RAPGEF6: variants seen among roughly 807,000 people sequenced by gnomAD.
The protein encoded by RAPGEF6 is PDZ domain containing guanine nucleotide exchange factor (GEF) 2.
A neutral mutation model predicts 171.4 loss-of-function variants in RAPGEF6; 56 were observed. The ratio of observed to expected loss-of-function variants is 0.33; its 90% confidence interval spans 0.26 to 0.41. The LOEUF is 0.41. Ranked by LOEUF, RAPGEF6 falls within the 10% of genes least tolerant of loss-of-function variation. The pLI is 1.00. For missense variants in RAPGEF6, 1,674 were observed against 1,921.4 expected (o/e 0.87, Z 2.41); for synonymous variants, 692 against 650.1 (o/e 1.06, Z -0.98).
chr5:131,490,314 C>A (rs145239875), intron 14 of RAPGEF6, among the ~76,000 whole-genome samples: 5 of 149,804 alleles, frequency 3.3e-5, no homozygotes, highest in East Asian at 3.9e-4. Context: ...TCTAGGGGAT[C>A]AACATAAAAA....
At chr5:131,431,398 C>T in intron 25 of RAPGEF6, 49 bp from the exon 26 acceptor site, 1 of 1,531,420 alleles carries the variant, frequency 6.5e-7, no homozygotes, top group Non-Finnish European at 8.8e-7. Context: ...GAAAAACTAT[C>T]TTCTCTCTGT....
rs960368567 is a variant in RAPGEF6 at position 131,510,216 on chromosome 5, C to T, written c.805+98G>A. Reference sequence around the variant, plus strand: ...ACTCTAAGATAATGGCTTAACACAACACACATTTATTAAGTTTTAGAATAA... The same window carrying T: ...ACTCTAAGATAATGGCTTAACACAATACACATTTATTAAGTTTTAGAATAA... On this transcript the variant is annotated intron_variant, in intron 8 of 27. Transcript: ENST00000509018. 10 of 1,245,998 alleles carry T rather than the reference C, an allele frequency of 8.0e-6. No individual in the cohort carries two copies. The South Asian group carries it at 1.4e-4, about 17-fold the overall frequency. The allele number at this position is 1,245,998 out of a possible 1,614,324, so 77.2% of individuals were successfully genotyped here. A position where few individuals can be genotyped will look rare whatever the true frequency, so the allele number is the denominator to read the frequency against.
At position 131,465,462 on chromosome 5, in the gene RAPGEF6, A is replaced by G. The variant is rs192813241; in HGVS notation, c.2240-1181T>C. On this transcript the variant is annotated intron_variant, in intron 17 of 27. Transcript: ENST00000509018. ...AAAATTTTCCCTATGACAATAAATT[A>G]CTGTTGCAAAAGTTTCCTTTTTAAA... Among the ~76,000 whole-genome samples, 126 of 152,292 alleles carry G rather than the reference A, an allele frequency of 8.3e-4. 1 individual carries two copies. The East Asian group carries it at 0.019, about 23-fold the overall frequency.
chr5:131,605,176 C>T (rs1764481131), intron 1 of RAPGEF6, among the ~76,000 whole-genome samples: 1 of 152,164 alleles, frequency 6.6e-6, no homozygotes, highest in Non-Finnish European at 1.5e-5. Flanking sequence ...ATGGTACAAT[C>T]CTATTGTTCA....
chr5:131,613,309 C>T (rs192724808), intron 1 of RAPGEF6, among the ~76,000 whole-genome samples: 1 of 152,252 alleles, frequency 6.6e-6, no homozygotes, highest in Admixed American at 6.5e-5. Context: ...TCTTGGGAGG[C>T]TGAGGCAGGA....
chr5:131,475,751 A>G (rs1291908488), intron 16 of RAPGEF6, among the ~76,000 whole-genome samples: 4 of 152,218 alleles, frequency 2.6e-5, no homozygotes, highest in African/African-American at 9.6e-5. Flanking sequence ...ATTTTTAGGA[A>G]CATTCTTTTA....
intron 1 of RAPGEF6, among the ~76,000 whole-genome samples, chr5:131,619,932 T>C (rs1580690464): frequency 1.3e-5 from 2 of 152,242 alleles, no homozygotes; most frequent in Admixed American, 6.5e-5. Context: ...TTTCCCCGTA[T>C]GTAAAATGTG....
intron 4 of RAPGEF6, among the ~76,000 whole-genome samples, chr5:131,589,288 T>C (rs1008457038): frequency 6.6e-6 from 1 of 152,100 alleles, no homozygotes; most frequent in African/African-American, 2.4e-5. Flanking sequence ...GTAAGTAGCT[T>C]TTTGCATTTT....
intron 11 of RAPGEF6, 58 bp from the exon 12 acceptor site, chr5:131,498,665 A>G: frequency 6.7e-7 from 1 of 1,499,892 alleles, no homozygotes; most frequent in Non-Finnish European, 9.2e-7. Flanking sequence ...AGAACCAAAG[A>G]ACTATTGTTG....
intron 27 of RAPGEF6, among the ~76,000 whole-genome samples, chr5:131,427,988 A>AC (rs779636720): frequency 1.3e-5 from 2 of 152,082 alleles, no homozygotes; most frequent in South Asian, 4.1e-4. Context: ...CTGTAGTCCC[A>AC]CCTACTTGGG....
chr5:131,548,655 TAA>T (rs2149950163), intron 5 of RAPGEF6, among the ~76,000 whole-genome samples: 1 of 152,352 alleles, frequency 6.6e-6, no homozygotes, highest in East Asian at 1.9e-4. Flanking sequence ...CAGCCACAAG[TAA>T]GGCTGGCATC....
chr5:131,498,488 C>T lies in RAPGEF6; in HGVS notation c.1374G>A (p.Gly458=), dbSNP rs1476505088. 2.5e-6 allele frequency: 4 copies of T among 1,613,592 alleles called. No homozygotes were observed. Among genetic ancestry groups the T allele is most frequent in the Admixed American group, 3.3e-5 (2 of 60,000 alleles). ...TCTTAAACCATTCCAATAGTTTGAT[C>T]CCAACATCCAAAGGACTTTCAAGAA... is the stretch of plus-strand genomic sequence containing the variant. ...RTFLESPLDV[G]IKLLEWFKID... The change falls in exon 12 of 28, where the codon GGG becomes GGA. Residue 458 remains glycine (G), a synonymous_variant. Coordinates refer to ENST00000509018, the MANE Select transcript of RAPGEF6 (RefSeq NM_016340.6).
At chr5:131,626,136 A>G (rs1765915335) in intron 1 of RAPGEF6, among the ~76,000 whole-genome samples, 1 of 152,210 alleles carries the variant, frequency 6.6e-6, no homozygotes, top group African/African-American at 2.4e-5. Context: ...ATCATTAAAC[A>G]TCTCACATCA....
intron 12 of RAPGEF6, among the ~76,000 whole-genome samples, chr5:131,497,615 G>A (rs1756720148): frequency 6.6e-6 from 1 of 152,130 alleles, no homozygotes; most frequent in African/African-American, 2.4e-5. Context: ...TCCAAAGCAT[G>A]CCTTTATTTT....
Position 131,575,956 on chromosome 5 carries a change from A to G in RAPGEF6, c.282-13909T>C, listed in dbSNP as rs954403366. ...AAACCATTCCCCACTTACTCTCTAC[A>G]ACTCTCATAACTTTCAAAATCTATT... On this transcript the variant is annotated intron_variant, in intron 4 of 27. Coordinates refer to ENST00000509018, the MANE Select transcript of RAPGEF6 (RefSeq NM_016340.6). Among the ~76,000 whole-genome samples the G allele has an allele frequency of 5.9e-5, 9 of 152,076 alleles. No homozygotes were observed. The South Asian group carries it at 6.2e-4, about 11-fold the overall frequency.
chr5:131,482,301 T>C (rs745397356), intron 15 of RAPGEF6, among the ~76,000 whole-genome samples: 15 of 152,136 alleles, frequency 9.9e-5, no homozygotes, highest in Admixed American at 5.2e-4. Context: ...TACATGTATA[T>C]ATGTACATTT....
At chr5:131,591,636 C>A (rs1763599941) in intron 4 of RAPGEF6, among the ~76,000 whole-genome samples, 1 of 152,160 alleles carries the variant, frequency 6.6e-6, no homozygotes, top group African/African-American at 2.4e-5. Context: ...TTTCCTAACA[C>A]CTCATGACAA....
At chr5:131,548,520 A>T (rs1760701381) in intron 5 of RAPGEF6, among the ~76,000 whole-genome samples, 1 of 152,180 alleles carries the variant, frequency 6.6e-6, no homozygotes, top group Non-Finnish European at 1.5e-5. Context: ...CTAATTACAA[A>T]CTGCCTGATT....
At chr5:131,528,284 TATAA>T (rs1406105167) in intron 6 of RAPGEF6, among the ~76,000 whole-genome samples, 88 of 121,596 alleles carry the variant, frequency 7.2e-4, no homozygotes, top group Non-Finnish European at 1.3e-3. Flanking sequence ...ATTATATATA[TATAA>T]ATAAAATAAA....
Sources: gnomAD v4.1 joint callset for allele counts (sites outside exome capture counted in the v4.1 genomes callset) on GRCh38, gnomAD v4.1.1 for gene constraint, MANE v1.5 for transcripts, NCBI Gene and HGNC (gene_info 2026-07-23, HGNC 2026-07-21) for gene names.